The following TACR3 variants were observed in gnomAD, a reference collection of about 807,000 sequenced individuals.
The protein encoded by TACR3 is tachykinin receptor 3, also known as neuromedin-K receptor.
TACR3 carries 34 observed loss-of-function variants against 35.0 expected under a neutral mutation model. The ratio of observed to expected loss-of-function variants is 0.97; its 90% CI spans 0.74 to 1.30. TACR3 has a LOEUF of 1.30. TACR3 is among the 50% of genes most tolerant of loss of function. The probability of loss-of-function intolerance (pLI) is 0.00; values close to 1 mark genes in which losing one functional copy is unlikely to be tolerated. For synonymous variants in TACR3, 233 were observed against 221.1 expected (o/e 1.05, Z -0.48); for missense variants, 558 against 591.7 (o/e 0.94, Z 0.59).
intron 3 of TACR3, among the ~76,000 whole-genome samples, chr4:103,611,730 C>CT (rs1015701770): frequency 2.6e-5 from 4 of 151,984 alleles, no homozygotes; most frequent in African/African-American, 9.7e-5. Flanking sequence ...AAAAAGTTTA[C>CT]TTTTTTGCCC....
chr4:103,696,393 A>C (rs1722520503), intron 1 of TACR3, among the ~76,000 whole-genome samples: 1 of 150,558 alleles, frequency 6.6e-6, no homozygotes, highest in Non-Finnish European at 1.5e-5. Flanking sequence ...TATAATTTTA[A>C]AACATTAGAA....
intron 1 of TACR3, among the ~76,000 whole-genome samples, chr4:103,663,021 T>C (rs1197223338): frequency 6.6e-6 from 1 of 152,206 alleles, no homozygotes; most frequent in Admixed American, 6.5e-5. Flanking sequence ...TACAGGATAC[T>C]GCAATTGATA....
intron 1 of TACR3, 109 bp downstream of exon 1, chr4:103,719,017 CTT>C: frequency 6.8e-7 from 1 of 1,467,598 alleles, no homozygotes; most frequent in South Asian, 1.2e-5. Flanking sequence ...TTCTTAGTCT[CTT>C]TACTTTTATA....
At chr4:103,612,012 C>T (rs1175088910) in intron 3 of TACR3, among the ~76,000 whole-genome samples, 1 of 152,162 alleles carries the variant, frequency 6.6e-6, no homozygotes, top group Non-Finnish European at 1.5e-5. Flanking sequence ...ATCTAATTGG[C>T]CTCTGCTTCC....
intron 3 of TACR3, among the ~76,000 whole-genome samples, chr4:103,623,086 T>TAAAATATATATTTA (rs1724819152): frequency 2.0e-5 from 3 of 152,120 alleles, no homozygotes; most frequent in African/African-American, 7.2e-5. Context: ...ACAAAGTCTT[T>TAAAATATATATTTA]AAAATATATA....
At position 103,586,768 on chromosome 4, in the gene TACR3, A is replaced by T. The variant is rs1036819444; in HGVS notation, c.*2914T>A. 1 of 151,746 alleles carries T rather than the reference A, an allele frequency of 6.6e-6. No individual in the cohort carries two copies. Among genetic ancestry groups the T allele is most frequent in the East Asian group, 1.9e-4 (1 of 5,186 alleles). The allele number at this position is 151,746 out of a possible 1,614,324, so 9.4% of individuals were successfully genotyped here. ...TGCTGTACTTGGTAAAAAATAAAAA[A>T]GTGTGAGAGTGAATTCTGTAACAAT... is the stretch of plus-strand genomic sequence containing the variant. On this transcript the variant is annotated 3_prime_UTR_variant, in exon 5 of 5. Transcript: ENST00000304883.
intron 1 of TACR3, among the ~76,000 whole-genome samples, chr4:103,713,724 T>C (rs752010188): frequency 1.3e-5 from 2 of 151,986 alleles, no homozygotes; most frequent in Admixed American, 6.6e-5. Flanking sequence ...CTGGATGAGA[T>C]TGGTTGGGGA....
chr4:103,616,641 T>TAACA (rs1465389478), intron 3 of TACR3, among the ~76,000 whole-genome samples: 1 of 152,052 alleles, frequency 6.6e-6, no homozygotes, highest in Admixed American at 6.6e-5. Context: ...TAGATTTCCC[T>TAACA]AACAAAATAT....
intron 1 of TACR3, among the ~76,000 whole-genome samples, chr4:103,678,567 C>T (rs1192597868): frequency 5.3e-5 from 8 of 152,052 alleles, no homozygotes; most frequent in Non-Finnish European, 1.0e-4. Flanking sequence ...AAAATCACCT[C>T]CATTCATTTA....
chr4:103,597,093 T>A lies in TACR3; in HGVS notation c.889-5410A>T, dbSNP rs368136348. Among the ~76,000 whole-genome samples the A allele has an allele frequency of 1.6e-4, 24 of 151,862 alleles. 1 individual carries two copies. In the East Asian group the frequency reaches 4.1e-3, roughly 26 times the overall value. Reference sequence around the variant, plus strand: ...GCATGCGTCTTTATAGCAGCATAATTTATAATCCTTTGGGTATATACCCAG... The same window carrying A: ...GCATGCGTCTTTATAGCAGCATAATATATAATCCTTTGGGTATATACCCAG... On this transcript the variant is annotated intron_variant, in intron 3 of 4. Transcript: ENST00000304883.
chr4:103,589,946 T>C lies in TACR3; in HGVS notation c.1134A>G (p.Lys378=). Reference sequence around the variant, plus strand: ...GCTCTAGCTCATCATAGCTGGAAACTTTGATGAAAGGACACCAGCGAAATG... The same window carrying C: ...GCTCTAGCTCATCATAGCTGGAAACCTTGATGAAAGGACACCAGCGAAATG... ...KRAFRWCPFI[K]VSSYDELELK... is the part of the protein sequence containing the mutation. Residue 378 remains lysine (K), a synonymous_variant, in exon 5 of 5, where the codon AAA becomes AAG. Coordinates refer to ENST00000304883, the MANE Select transcript of TACR3 (RefSeq NM_001059.3). 6.2e-7 allele frequency: 1 copy of C among 1,613,936 alleles called. No homozygotes were observed. Among genetic ancestry groups the C allele is most frequent in the Non-Finnish European group, 8.5e-7 (1 of 1,179,874 alleles).
chr4:103,638,939 T>C (rs920077818), intron 3 of TACR3, among the ~76,000 whole-genome samples: 1 of 151,864 alleles, frequency 6.6e-6, no homozygotes, highest in Non-Finnish European at 1.5e-5. Context: ...GTCAGGAAAC[T>C]ACAGGTGCTG....
chr4:103,598,677 G>A (rs1578219162), intron 3 of TACR3, among the ~76,000 whole-genome samples: 1 of 152,244 alleles, frequency 6.6e-6, no homozygotes, highest in African/African-American at 2.4e-5. Flanking sequence ...CATATGGCTA[G>A]CCAGTTTTCC....
Position 103,586,654 on chromosome 4 carries a change from T to G in TACR3, c.*3028A>C, listed in dbSNP as rs1290721637. The G allele has an allele frequency of 6.6e-6, 1 of 152,034 alleles. No homozygotes were observed. Among genetic ancestry groups the G allele is most frequent in the Admixed American group, 6.6e-5 (1 of 15,214 alleles). The allele number at this position is 152,034 out of a possible 1,614,324, so 9.4% of individuals were successfully genotyped here. ...TGCTCAGTTCACTGTTTCTAAGACA[T>G]TGGCAGGATTTGGAAAAGGACATGA... On this transcript the variant is annotated 3_prime_UTR_variant, in exon 5 of 5. Transcript: ENST00000304883.
intron 1 of TACR3, among the ~76,000 whole-genome samples, chr4:103,680,300 T>C (rs1726262986): frequency 6.6e-6 from 1 of 151,622 alleles, no homozygotes; most frequent in African/African-American, 2.4e-5. Flanking sequence ...AAATGGTGCT[T>C]AGTCTGTAGA....
At chr4:103,689,913 G>A (rs2110216066) in intron 1 of TACR3, among the ~76,000 whole-genome samples, 1 of 151,998 alleles carries the variant, frequency 6.6e-6, no homozygotes, top group East Asian at 1.9e-4. Flanking sequence ...TGGTGAAAGT[G>A]AAAGAAAAAG....
At chr4:103,631,315 T>TTAAAG (rs1560814796) in intron 3 of TACR3, among the ~76,000 whole-genome samples, 1 of 152,124 alleles carries the variant, frequency 6.6e-6, no homozygotes, top group African/African-American at 2.4e-5. Flanking sequence ...ACCCTAGAAC[T>TTAAAG]TAAAGTATAA....
chr4:103,667,157 C>T (rs1725952532), intron 1 of TACR3, among the ~76,000 whole-genome samples: 2 of 152,130 alleles, frequency 1.3e-5, no homozygotes, highest in South Asian at 4.1e-4. Flanking sequence ...ACTTGGGAGG[C>T]TGAGGCAGGA....
chr4:103,714,926 T>C (rs116673287), intron 1 of TACR3, among the ~76,000 whole-genome samples: 1,982 of 152,262 alleles, frequency 0.013, 18 homozygotes, highest in South Asian at 0.022. Flanking sequence ...TTGAGTACTT[T>C]GCATAAATTA....
Sources: gnomAD v4.1 joint callset for allele counts (sites outside exome capture counted in the v4.1 genomes callset) on GRCh38, gnomAD v4.1.1 for gene constraint, MANE v1.5 for transcripts, NCBI Gene and HGNC (gene_info 2026-07-23, HGNC 2026-07-21) for gene names.